The following ZNF471 variants were observed in gnomAD, a reference collection of about 807,000 sequenced individuals.
ZNF471 encodes EZFIT-related protein 1.
Under a neutral mutation model 13.7 loss-of-function variants are expected in ZNF471, and 7 were observed. The ratio of observed to expected loss-of-function variants is 0.51; its 90% confidence interval spans 0.29 to 0.96. ZNF471 has a LOEUF of 0.96. Among genes scored for constraint, ZNF471 ranks in the 40% least tolerant of loss-of-function variants. ZNF471 has a pLI of 0.08. For synonymous variants in ZNF471, 218 were observed against 235.6 expected (o/e 0.93, Z 0.68); for missense variants, 663 against 743.3 (o/e 0.89, Z 1.26).
At chr19:56,518,654 C>T (rs2043926939) in intron 4 of ZNF471, 77 bp downstream of exon 4, 1 of 1,208,130 alleles carries the variant, frequency 8.3e-7, no homozygotes, top group African/African-American at 1.5e-5. Context: ...TACCTTCTCA[C>T]TTATGCATCT....
At position 56,511,613 on chromosome 19, in the gene ZNF471, A is replaced by G; in HGVS notation, c.33+9A>G. ...TAAAAGTCATGCCCCAGGTTAGTGG[A>G]TATTTTCTTTCTCTTCATGAAAGGC... is the stretch of plus-strand genomic sequence containing the variant. On this transcript the variant is annotated intron_variant, in intron 2 of 4. Transcript: ENST00000308031. 1 of 1,608,860 alleles carries G rather than the reference A, an allele frequency of 6.2e-7. No homozygotes were observed. The highest frequency in any genetic ancestry group is 2.2e-5 in the East Asian group (1 of 44,828).
Position 56,518,594 on chromosome 19 carries a change from CA to C in ZNF471, c.256+18del, listed in dbSNP as rs776857277. The C allele has an allele frequency of 6.2e-7, 1 of 1,602,648 alleles. No individual in the cohort carries two copies. Among genetic ancestry groups the C allele is most frequent in the Admixed American group, 1.7e-5 (1 of 58,644 alleles). ...CATTCTCAGGTGAGTGTGGAAGAACCAGAGAGGGGAATCTTTTTGACATAAT... is the reference window on the plus strand; with the variant it reads ...CATTCTCAGGTGAGTGTGGAAGAACCGAGAGGGGAATCTTTTTGACATAAT... On this transcript the variant is annotated intron_variant, in intron 4 of 4. Coordinates refer to ENST00000308031, the MANE Select transcript of ZNF471 (RefSeq NM_020813.4).
intron 3 of ZNF471, 113 bp from the exon 4 acceptor site, chr19:56,518,369 T>C (rs2043922328): frequency 3.9e-6 from 3 of 769,356 alleles, no homozygotes; most frequent in South Asian, 1.6e-5. Flanking sequence ...AGATGTGCTT[T>C]ATCTCTTATC....
chr19:56,516,402 G>C lies in ZNF471; in HGVS notation c.160+1G>C. On this transcript the variant is annotated splice_donor_variant, in intron 3 of 4. Coordinates refer to ENST00000308031, the MANE Select transcript of ZNF471 (RefSeq NM_020813.4). LOFTEE classifies it high-confidence loss of function. This position sits in a 1 kb window ranked among gnomAD's most constrained non-coding sequence, Gnocchi z 4.4. ...AACTATCAGAGCCTGGTATCACTTG[G>C]TGAGGATCTTTTCCCTCCTGCATAA... The C allele has an allele frequency of 6.2e-7, 1 of 1,611,588 alleles. No homozygotes were observed. Among genetic ancestry groups the C allele is most frequent in the Non-Finnish European group, 8.5e-7 (1 of 1,178,922 alleles).
At position 56,522,899 on chromosome 19, in the gene ZNF471, G is replaced by A. The variant is rs546446953; in HGVS notation, c.257-1425G>A. ...TTACAGGCAGGTGACACCATGCCCCGCTAATTTTGTGTTTTTAGTAGAGAC... is the reference window on the plus strand; with the variant it reads ...TTACAGGCAGGTGACACCATGCCCCACTAATTTTGTGTTTTTAGTAGAGAC... On this transcript the variant is annotated intron_variant, in intron 4 of 4. Transcript: ENST00000308031. This position sits in a 1 kb window ranked among gnomAD's most constrained non-coding sequence, Gnocchi z 4.1. Among the ~76,000 whole-genome samples, 2 of 152,058 alleles carry A rather than the reference G, an allele frequency of 1.3e-5. No individual in the cohort carries two copies. The highest frequency in any genetic ancestry group is 2.1e-4 in the South Asian group (1 of 4,818).
At position 56,524,671 on chromosome 19, in the gene ZNF471, G is replaced by T; in HGVS notation, c.604G>T (p.Gly202Ter). ...AATAAAACACAAGAAAGTCTATGTA[G>T]GAAAGAAGCTTTTTAAATGTAATGA... ...MVIKHKKVYV[G>*]KKLFKCNECD... The change falls in exon 5 of 5, where the codon GGA becomes TGA. Residue 202 changes from glycine to a stop codon, truncating the protein, a stop_gained. Transcript: ENST00000308031. LOFTEE classifies it low-confidence loss of function (END_TRUNC). The surrounding 1 kb of genome is among the most constrained non-coding windows in gnomAD (Gnocchi z 4.8). The T allele has an allele frequency of 6.3e-7, 1 of 1,579,654 alleles. No homozygotes were observed. Among genetic ancestry groups the T allele is most frequent in the Non-Finnish European group, 8.5e-7 (1 of 1,170,746 alleles).
rs940552335 is a variant in ZNF471 at position 56,510,160 on chromosome 19, T to C, written c.-55-1357T>C. On this transcript the variant is annotated intron_variant, in intron 1 of 4. Coordinates refer to ENST00000308031, the MANE Select transcript of ZNF471 (RefSeq NM_020813.4). This position sits in a 1 kb window ranked among gnomAD's most constrained non-coding sequence, Gnocchi z 4.3. ...AAAAGATTGGAGTGAGAGTGACCAG[T>C]ATGTATTTTGTGTGCATGAGATAAA... 3.0e-6 allele frequency: 3 copies of C among 985,178 alleles called. No homozygotes were observed. The African/African-American group carries it at 5.3e-5, about 17-fold the overall frequency. The allele number at this position is 985,178 out of a possible 1,614,324, so 61.0% of individuals were successfully genotyped here.
At chr19:56,509,876 AGTGTGAGACCAGG>A (rs1442578109) in intron 1 of ZNF471, 1 of 985,226 alleles carries the variant, frequency 1.0e-6, no homozygotes, top group Non-Finnish European at 1.2e-6. Context: ...GAGAATCCAG[AGTGTGAGACCAGG>A]GTATATCAAT....
chr19:56,525,229 A>G lies in ZNF471; in HGVS notation c.1162A>G (p.Ile388Val). Residue 388 changes from isoleucine (I) to valine (V), a missense_variant, in exon 5 of 5, where the codon ATA becomes GTA. Ile to Val is a conservative substitution (Grantham distance 29). Transcript: ENST00000308031. ...TTGTGGGAAAGCCTTCAGTGTTCAC[A>G]TAGGACTTATTCTGCATAGGAGAAT... ...IDCGKAFSVH[I>V]GLILHRRIHT... 3.1e-6 allele frequency: 5 copies of G among 1,613,886 alleles called. No homozygotes were observed. The highest frequency in any genetic ancestry group is 4.2e-6 in the Non-Finnish European group (5 of 1,179,926).
Position 56,525,709 on chromosome 19 carries a change from T to C in ZNF471, c.1642T>C (p.Cys548Arg). 37 of 1,613,902 alleles carry C rather than the reference T, an allele frequency of 2.3e-5. No individual in the cohort carries two copies. The highest frequency in any genetic ancestry group is 3.1e-5 in the Non-Finnish European group (37 of 1,179,824). The change falls in exon 5 of 5, where the codon TGC becomes CGC. Residue 548 changes from cysteine to arginine, a missense_variant. Cys to Arg is a radical substitution (Grantham distance 180, BLOSUM62 -3). Coordinates refer to ENST00000308031, the MANE Select transcript of ZNF471 (RefSeq NM_020813.4). Reference protein sequence around the residue: ...TGEKPYECNECGKAFSQTSNL... With the variant: ...TGEKPYECNERGKAFSQTSNL... ...AGAGAAACCTTATGAGTGTAATGAA[T>C]GCGGGAAAGCCTTCAGCCAAACTTC...
In ZNF471 at chr19:56,525,952, T is replaced by G. The variant is rs746087818; in HGVS notation, c.*4T>G. The G allele has an allele frequency of 3.9e-6, 6 of 1,542,654 alleles. No individual in the cohort carries two copies. The East Asian group carries it at 6.8e-5, about 17-fold the overall frequency. On this transcript the variant is annotated 3_prime_UTR_variant, in exon 5 of 5. Coordinates refer to ENST00000308031, the MANE Select transcript of ZNF471 (RefSeq NM_020813.4). ...TCATACTGGAGAAGAACCTTAAGAA[T>G]GTAGTGCATGTGGCCAAGCCTTTAG...
At position 56,522,533 on chromosome 19, in the gene ZNF471, T is replaced by C. The variant is rs1429266985; in HGVS notation, c.257-1791T>C. Among the ~76,000 whole-genome samples, 1 of 152,206 alleles carries C rather than the reference T, an allele frequency of 6.6e-6. No individual in the cohort carries two copies. Among genetic ancestry groups the C allele is most frequent in the Admixed American group, 6.5e-5 (1 of 15,276 alleles). ...ATAATGTATAATTGCTTAGGAAATA[T>C]TGGATTAGTCGATGATTTGCTATGG... On this transcript the variant is annotated intron_variant, in intron 4 of 4. Transcript: ENST00000308031. This position sits in a 1 kb window ranked among gnomAD's most constrained non-coding sequence, Gnocchi z 4.1.
chr19:56,511,564 A>G lies in ZNF471; in HGVS notation c.-8A>G, dbSNP rs749250958. The G allele has an allele frequency of 1.2e-6, 2 of 1,613,952 alleles. No individual in the cohort carries two copies. The highest frequency in any genetic ancestry group is 2.7e-5 in the African/African-American group (2 of 74,928). ...TCTTCAAGAGAAAGACCAGAAGAGA[A>G]GGCAAAAATGAATGTTGAAGTAGTA... On this transcript the variant is annotated 5_prime_UTR_variant, in exon 2 of 5. Coordinates refer to ENST00000308031, the MANE Select transcript of ZNF471 (RefSeq NM_020813.4).
intron 1 of ZNF471, among the ~76,000 whole-genome samples, chr19:56,509,495 G>C (rs2043779733): frequency 6.6e-6 from 1 of 152,238 alleles, no homozygotes; most frequent in South Asian, 2.1e-4. Flanking sequence ...CCGATTTATA[G>C]CTAGTCAGAA....
chr19:56,520,695 C>T (rs1568474282), intron 4 of ZNF471, among the ~76,000 whole-genome samples: 1 of 152,162 alleles, frequency 6.6e-6, no homozygotes, highest in East Asian at 1.9e-4. Flanking sequence ...GCCCCTTCCA[C>T]TGTGTGAGGA....
intron 1 of ZNF471, chr19:56,511,116 A>G: frequency 1.1e-6 from 1 of 878,224 alleles, no homozygotes. Context: ...TTTCCCAAAA[A>G]CCCCATCCAT....
In ZNF471 at chr19:56,508,889, G is replaced by T. The variant is rs1409528392; in HGVS notation, c.-56+969G>T. 2.0e-5 allele frequency among the ~76,000 whole-genome samples: 3 copies of T among 152,152 alleles called. No homozygotes were observed. Among genetic ancestry groups the T allele is most frequent in the African/African-American group, 7.2e-5 (3 of 41,422 alleles). On this transcript the variant is annotated intron_variant, in intron 1 of 4. Transcript: ENST00000308031. The surrounding 1 kb of genome is among the most constrained non-coding windows in gnomAD (Gnocchi z 4.7). ...AGTCATTATGTGAGGCTCCTTGAGA[G>T]GCTGGTGTGTGTGTATGAGAGAGAG... is the stretch of plus-strand genomic sequence containing the variant.
rs1190697967 is a variant in ZNF471 at position 56,528,369 on chromosome 19, C to T, written c.*2421C>T. On this transcript the variant is annotated 3_prime_UTR_variant, in exon 5 of 5. Coordinates refer to ENST00000308031, the MANE Select transcript of ZNF471 (RefSeq NM_020813.4). ...TTTTTAAACAGTGCATTCTTGAAAG[C>T]AGTATGGCAGTCATAAAAATTTTGG... 1 of 152,134 alleles carries T rather than the reference C, an allele frequency of 6.6e-6. No homozygotes were observed. Among genetic ancestry groups the T allele is most frequent in the Non-Finnish European group, 1.5e-5 (1 of 68,042 alleles). The allele number at this position is 152,134 out of a possible 1,614,324, so 9.4% of individuals were successfully genotyped here. A position where few individuals can be genotyped will look rare whatever the true frequency, so the allele number is the denominator to read the frequency against.
chr19:56,529,870 GA>G lies in ZNF471; in HGVS notation c.*3923del. Reference sequence around the variant, plus strand: ...GGTAAATTAGAGGAAAGCCATTTTAGAGGGCAATGTGGTGTTACCTGTCAGC... The same window carrying G: ...GGTAAATTAGAGGAAAGCCATTTTAGGGGCAATGTGGTGTTACCTGTCAGC... On this transcript the variant is annotated 3_prime_UTR_variant, in exon 5 of 5. Transcript: ENST00000308031. 1 of 152,324 alleles carries G rather than the reference GA, an allele frequency of 6.6e-6. No homozygotes were observed. The highest frequency in any genetic ancestry group is 1.9e-4 in the East Asian group (1 of 5,176). The allele number at this position is 152,324 out of a possible 1,614,324, so 9.4% of individuals were successfully genotyped here.
Sources: gnomAD v4.1 joint callset for allele counts (sites outside exome capture counted in the v4.1 genomes callset) on GRCh38, gnomAD v4.1.1 for gene constraint, Gnocchi (gnomAD v3.1) non-coding constraint, MANE v1.5 for transcripts, NCBI Gene and HGNC (gene_info 2026-07-23, HGNC 2026-07-21) for gene names.